GDPD1: variants seen among roughly 807,000 people sequenced by gnomAD.
GDPD1 encodes the protein lysophospholipase D GDPD1.
GDPD1 carries 28 observed loss-of-function variants against 45.1 expected under a neutral mutation model. The ratio of observed to expected loss-of-function variants is 0.62; its 90% confidence interval spans 0.46 to 0.85. The LOEUF is 0.85. Ranked by LOEUF, GDPD1 falls within the 40% of genes least tolerant of loss-of-function variation. The pLI is 0.00. For synonymous variants in GDPD1, 139 were observed against 131.4 expected, an observed-to-expected ratio of 1.06 and a Z score of -0.40; for missense variants, 256 against 364.8, an observed-to-expected ratio of 0.70 and a Z score of 2.43.
chr17:59,261,194 G>A (rs1376192762), intron 6 of GDPD1, among the ~76,000 whole-genome samples: 1 of 152,078 alleles, frequency 6.6e-6, no homozygotes, highest in Non-Finnish European at 1.5e-5. Flanking sequence ...TCGAACTCCT[G>A]ACCTCAAGTG....
intron 1 of GDPD1, among the ~76,000 whole-genome samples, chr17:59,226,978 C>T (rs116178817): frequency 1.6e-3 from 245 of 151,878 alleles, no homozygotes; most frequent in African/African-American, 5.5e-3. Flanking sequence ...ACCGCGCCCA[C>T]CCTGAGCAGT....
intron 4 of GDPD1, among the ~76,000 whole-genome samples, chr17:59,255,771 A>ATATATATATATATATACGCGTATATATG (rs1348024013): frequency 3.6e-5 from 3 of 82,806 alleles, no homozygotes; most frequent in East Asian, 3.1e-4. Context: ...AAATATATAT[A>ATATATATATATATATACGCGTATATATG]TATATATATA....
At chr17:59,267,673 GTT>G (rs777259266) in intron 7 of GDPD1, among the ~76,000 whole-genome samples, 4 of 140,966 alleles carry the variant, frequency 2.8e-5, no homozygotes, top group Non-Finnish European at 4.7e-5. Context: ...GTGGTTTTTT[GTT>G]TTTTTTTTTT....
intron 1 of GDPD1, among the ~76,000 whole-genome samples, chr17:59,222,907 C>T (rs554648416): frequency 2.6e-5 from 4 of 152,204 alleles, no homozygotes; most frequent in South Asian, 4.1e-4. Context: ...AAAAAGTATG[C>T]TTACTAAAAA....
chr17:59,260,562 T>C (rs998865680), intron 6 of GDPD1, among the ~76,000 whole-genome samples: 4 of 151,996 alleles, frequency 2.6e-5, no homozygotes, highest in African/African-American at 9.7e-5. Flanking sequence ...GTATAAAAAT[T>C]AATTTTATAT....
At position 59,245,427 on chromosome 17, in the gene GDPD1, G is replaced by A. The variant is rs746073578; in HGVS notation, c.199G>A (p.Gly67Arg). The A allele has an allele frequency of 4.3e-6, 7 of 1,609,564 alleles. No individual in the cohort carries two copies. Among genetic ancestry groups the A allele is most frequent in the East Asian group, 2.2e-5 (1 of 44,746 alleles). The part of the protein sequence containing the change: ...MAAFQHAVKI[G>R]TDMLELDCHI... The stretch of plus-strand genomic sequence containing the variant: ...TTATTTCTTCAGTGCGGTTAAAATC[G>A]GAACTGATATGCTAGAATTGGACTG... The change falls in exon 3 of 10, where the codon GGA (glycine) becomes AGA (arginine). Residue 67 changes from glycine to arginine, a missense_variant. Physicochemically the swap from Gly to Arg is moderately radical, Grantham distance 125. Coordinates refer to ENST00000284116, the MANE Select transcript of GDPD1 (RefSeq NM_182569.4).
chr17:59,241,544 C>G (rs1441641403), intron 2 of GDPD1, among the ~76,000 whole-genome samples: 1 of 152,032 alleles, frequency 6.6e-6, no homozygotes, highest in Non-Finnish European at 1.5e-5. Context: ...GTCTTGAACT[C>G]CTGACCTCAG....
At chr17:59,249,498 TTCTG>T in intron 4 of GDPD1, among the ~76,000 whole-genome samples, 1 of 152,284 alleles carries the variant, frequency 6.6e-6, no homozygotes, top group East Asian at 1.9e-4. Context: ...TAATATTTAG[TTCTG>T]TCTTTTAGCT....
At chr17:59,270,128 TGAA>T (rs1295797802) in intron 7 of GDPD1, among the ~76,000 whole-genome samples, 4 of 152,066 alleles carry the variant, frequency 2.6e-5, no homozygotes, top group African/African-American at 9.7e-5. Context: ...CTAATATTCC[TGAA>T]ATTGCAACCA....
chr17:59,234,668 A>G (rs1330649226), intron 2 of GDPD1, 134 bp downstream of exon 2: 5 of 645,970 alleles, frequency 7.7e-6, no homozygotes, highest in African/African-American at 1.9e-5. Flanking sequence ...CTATTTTGTT[A>G]AAATTTCTTT....
At chr17:59,263,727 G>C (rs998220845) in intron 6 of GDPD1, among the ~76,000 whole-genome samples, 8 of 151,446 alleles carry the variant, frequency 5.3e-5, no homozygotes, top group African/African-American at 1.9e-4. Context: ...TGATCCACCT[G>C]CCTCGGCCTC....
chr17:59,247,033 G>T (rs1019877061), intron 3 of GDPD1, among the ~76,000 whole-genome samples: 6 of 152,174 alleles, frequency 3.9e-5, no homozygotes, highest in Admixed American at 3.9e-4. Context: ...CTCCCAAAGT[G>T]CTGGGATTAC....
chr17:59,221,999 C>A (rs1230735464), intron 1 of GDPD1, among the ~76,000 whole-genome samples: 1 of 152,150 alleles, frequency 6.6e-6, no homozygotes, highest in African/African-American at 2.4e-5. Context: ...TCATGAAAAG[C>A]CTCAGAGGTT....
chr17:59,236,926 G>A (rs1020366538), intron 2 of GDPD1, among the ~76,000 whole-genome samples: 2 of 152,106 alleles, frequency 1.3e-5, no homozygotes, highest in African/African-American at 2.4e-5. Flanking sequence ...GTTAGTGGTG[G>A]TGGTTTGTGT....
chr17:59,255,784 T>TATATATATATATATATATATATATAC (rs1215280964), intron 4 of GDPD1, among the ~76,000 whole-genome samples: 2 of 58,152 alleles, frequency 3.4e-5, no homozygotes, highest in Non-Finnish European at 5.5e-5. Context: ...TATATATATA[T>TATATATATATATATATATATATATAC]ACGCGTATAT....
intron 7 of GDPD1, 36 bp downstream of exon 7, chr17:59,267,210 C>A: frequency 6.4e-7 from 1 of 1,555,838 alleles, no homozygotes; most frequent in Non-Finnish European, 8.8e-7. Flanking sequence ...AATCAATTAT[C>A]AATTACAGAA....
chr17:59,261,172 G>A (rs539014079), intron 6 of GDPD1, among the ~76,000 whole-genome samples: 15 of 152,210 alleles, frequency 9.9e-5, no homozygotes, highest in African/African-American at 3.1e-4. Context: ...CGCCATGTTG[G>A]CCAGGCTGGT....
At chr17:59,267,300 T>C in intron 7 of GDPD1, 126 bp downstream of exon 7, 1 of 779,978 alleles carries the variant, frequency 1.3e-6, no homozygotes, top group Non-Finnish European at 2.0e-6. Flanking sequence ...TTCTATTACC[T>C]GACCTATATT....
intron 2 of GDPD1, among the ~76,000 whole-genome samples, chr17:59,244,879 C>G (rs576526502): frequency 2.0e-5 from 3 of 152,118 alleles, no homozygotes; most frequent in African/African-American, 7.2e-5. Context: ...ATCTGTAGTT[C>G]CAGCTACTCA....
Sources: gnomAD v4.1 joint callset for allele counts (sites outside exome capture counted in the v4.1 genomes callset) on GRCh38, gnomAD v4.1.1 for gene constraint, MANE v1.5 for transcripts, NCBI Gene and HGNC (gene_info 2026-07-23, HGNC 2026-07-21) for gene names.